The following PIBF1 variants were observed in gnomAD, a reference collection of about 807,000 sequenced individuals.
PIBF1 encodes progesterone-induced-blocking factor 1.
A neutral mutation model predicts 112.5 loss-of-function variants in PIBF1; 90 were observed. The ratio of observed to expected loss-of-function variants is 0.80; its 90% CI spans 0.67 to 0.95. The LOEUF (loss-of-function observed/expected upper bound fraction) is 0.95, where lower values mean the gene tolerates loss of function less well. PIBF1 is among the 40% of genes least tolerant of loss of function. The pLI, the probability that PIBF1 is intolerant of heterozygous loss-of-function variation, is 0.00. For missense variants in PIBF1, 915 were observed against 852.3 expected (o/e 1.07, Z -0.92); for synonymous variants, 301 against 288.6 (o/e 1.04, Z -0.44).
chr13:72,953,051 G>A (rs1339189785), intron 14 of PIBF1, among the ~76,000 whole-genome samples: 2 of 152,082 alleles, frequency 1.3e-5, no homozygotes, highest in Non-Finnish European at 2.9e-5. Flanking sequence ...GAAGCAGCTG[G>A]GGAAGGTGTA....
chr13:72,920,676 T>G (rs2041255903), intron 13 of PIBF1, among the ~76,000 whole-genome samples: 1 of 152,132 alleles, frequency 6.6e-6, no homozygotes, highest in African/African-American at 2.4e-5. Flanking sequence ...AATCCCAGCT[T>G]CTGGGGAGCC....
intron 9 of PIBF1, among the ~76,000 whole-genome samples, chr13:72,842,088 G>A (rs185055068): frequency 1.3e-5 from 2 of 152,292 alleles, no homozygotes; most frequent in East Asian, 1.9e-4. Flanking sequence ...TAATACAGAC[G>A]TAGAGGGTCT....
At chr13:73,003,078 G>GATT (rs2043924120) in intron 17 of PIBF1, among the ~76,000 whole-genome samples, 1 of 150,504 alleles carries the variant, frequency 6.6e-6, no homozygotes, top group Non-Finnish European at 1.5e-5. Context: ...TGAAGTGTCT[G>GATT]ATTTTTGGTG....
chr13:72,973,369 A>G (rs529668960), intron 15 of PIBF1, among the ~76,000 whole-genome samples: 1 of 152,204 alleles, frequency 6.6e-6, no homozygotes, highest in African/African-American at 2.4e-5. Context: ...GAGGGAAGAA[A>G]GAAAAGAAAA....
chr13:72,927,414 G>A (rs982827748), intron 13 of PIBF1, among the ~76,000 whole-genome samples: 1 of 152,158 alleles, frequency 6.6e-6, no homozygotes, highest in Non-Finnish European at 1.5e-5. Flanking sequence ...TGAGACAGGA[G>A]AATGGCGCGA....
At chr13:72,902,190 C>T (rs368410881) in intron 11 of PIBF1, among the ~76,000 whole-genome samples, 12 of 152,040 alleles carry the variant, frequency 7.9e-5, no homozygotes, top group South Asian at 2.1e-4. Context: ...GCTATGAGGA[C>T]GCAAAGGCAT....
chr13:72,928,851 A>G (rs1594215603), intron 13 of PIBF1, among the ~76,000 whole-genome samples: 1 of 152,310 alleles, frequency 6.6e-6, no homozygotes, highest in East Asian at 1.9e-4. Flanking sequence ...AAGCACTCAA[A>G]CCAAATGAAC....
intron 11 of PIBF1, among the ~76,000 whole-genome samples, chr13:72,897,678 A>G (rs958814853): frequency 1.3e-5 from 2 of 152,124 alleles, no homozygotes; most frequent in African/African-American, 4.8e-5. Context: ...TACATCAGAC[A>G]AAAAAAACTT....
intron 13 of PIBF1, among the ~76,000 whole-genome samples, chr13:72,922,192 G>A (rs1391965551): frequency 2.0e-5 from 3 of 151,834 alleles, no homozygotes; most frequent in Non-Finnish European, 4.4e-5. Context: ...TGCCCAGGCT[G>A]GTCTGGAGCT....
intron 17 of PIBF1, among the ~76,000 whole-genome samples, chr13:73,006,616 A>G (rs181619707): frequency 2.0e-5 from 3 of 152,264 alleles, no homozygotes; most frequent in Non-Finnish European, 4.4e-5. Flanking sequence ...TCCTTAGAGA[A>G]GTGGTACTGG....
At chr13:72,988,270 C>A (rs2043369603) in intron 16 of PIBF1, among the ~76,000 whole-genome samples, 1 of 152,046 alleles carries the variant, frequency 6.6e-6, no homozygotes, top group South Asian at 2.1e-4. Flanking sequence ...CAGCACAAAG[C>A]CTGGTACATT....
At chr13:72,854,218 T>A in intron 10 of PIBF1, 63 bp downstream of exon 10, 2 of 1,038,274 alleles carry the variant, frequency 1.9e-6, no homozygotes, top group Non-Finnish European at 3.0e-6. Flanking sequence ...ACATATTCTT[T>A]TAGAAAATGT....
chr13:72,930,719 C>T (rs576346547), intron 13 of PIBF1, among the ~76,000 whole-genome samples: 1 of 152,190 alleles, frequency 6.6e-6, no homozygotes, highest in Admixed American at 6.5e-5. Context: ...TATATTATAA[C>T]ATGCATTATG....
At chr13:72,814,870 CT>C (rs1362256847) in intron 5 of PIBF1, among the ~76,000 whole-genome samples, 1 of 152,076 alleles carries the variant, frequency 6.6e-6, no homozygotes, top group Non-Finnish European at 1.5e-5. Context: ...TGGCAGTAAG[CT>C]TGAAAACAAA....
At chr13:72,927,946 T>TATATATATATATACAC (rs1481044806) in intron 13 of PIBF1, among the ~76,000 whole-genome samples, 2 of 56,674 alleles carry the variant, frequency 3.5e-5, no homozygotes, top group Non-Finnish European at 5.9e-5. Flanking sequence ...TATATGTGTG[T>TATATATATATATACAC]ATATATATAT....
chr13:72,833,204 G>C (rs1356145736), intron 8 of PIBF1, among the ~76,000 whole-genome samples: 1 of 152,022 alleles, frequency 6.6e-6, no homozygotes, highest in African/African-American at 2.4e-5. Flanking sequence ...CCTTGCATTG[G>C]GTTAGAACAT....
intron 6 of PIBF1, among the ~76,000 whole-genome samples, chr13:72,824,945 A>G (rs1300687163): frequency 6.6e-6 from 1 of 152,190 alleles, no homozygotes; most frequent in Non-Finnish European, 1.5e-5. Context: ...TTCCTGCCCA[A>G]GTGCCTAACC....
At chr13:72,864,833 T>C (rs1422636901) in intron 10 of PIBF1, among the ~76,000 whole-genome samples, 13 of 152,326 alleles carry the variant, frequency 8.5e-5, no homozygotes, top group African/African-American at 3.1e-4. Context: ...GTAAATGAGC[T>C]CTTATTTCCT....
intron 5 of PIBF1, among the ~76,000 whole-genome samples, chr13:72,810,453 G>C (rs2035955147): frequency 6.6e-6 from 1 of 152,162 alleles, no homozygotes; most frequent in Non-Finnish European, 1.5e-5. Flanking sequence ...TCCTTGTTTA[G>C]AAACATAGTT....
Sources: allele counts gnomAD v4.1 joint callset (sites outside exome capture counted in the v4.1 genomes callset), GRCh38; gene constraint gnomAD v4.1.1; transcripts MANE v1.5; gene names NCBI Gene and HGNC (gene_info 2026-07-23, HGNC 2026-07-21).